The following MYH10 variants were observed in gnomAD, a reference collection of about 807,000 sequenced individuals.
The protein encoded by MYH10 is myosin heavy chain 10.
Under a neutral mutation model 257.8 loss-of-function variants are expected in MYH10, and 55 were observed. The observed-to-expected ratio is 0.21, with a 90% CI of 0.17 to 0.27. The LOEUF is 0.27. MYH10 is among the 10% of genes least tolerant of loss of function. The pLI is 1.00. For synonymous variants in MYH10, 854 were observed against 921.7 expected (o/e 0.93, Z 1.33); for missense variants, 1,631 against 2,500.6 (o/e 0.65, Z 7.42).
At chr17:8,493,607 TG>T in intron 32 of MYH10, 125 bp downstream of exon 32, 3 of 1,134,470 alleles carry the variant, frequency 2.6e-6, no homozygotes, top group Non-Finnish European at 3.6e-6. Flanking sequence ...AACCATTTAA[TG>T]GGCTTAATTT....
At chr17:8,589,006 T>C in intron 4 of MYH10, 75 bp downstream of exon 4, 1 of 1,404,790 alleles carries the variant, frequency 7.1e-7, no homozygotes, top group Non-Finnish European at 1.0e-6. Context: ...ACTTCTCCCC[T>C]CCCCCCAGAC....
intron 2 of MYH10, among the ~76,000 whole-genome samples, chr17:8,609,597 G>GA (rs1328939355): frequency 1.3e-5 from 2 of 151,516 alleles, no homozygotes; most frequent in Non-Finnish European, 2.9e-5. Context: ...AAATGCATAA[G>GA]AAAAAAAATA....
chr17:8,588,848 AG>A (rs2084015332), intron 4 of MYH10, among the ~76,000 whole-genome samples: 1 of 152,248 alleles, frequency 6.6e-6, no homozygotes, highest in Non-Finnish European at 1.5e-5. Context: ...TATGAACTAA[AG>A]ATGTAAGTTT....
At chr17:8,615,486 A>C (rs1426976788) in intron 2 of MYH10, among the ~76,000 whole-genome samples, 4 of 152,220 alleles carry the variant, frequency 2.6e-5, no homozygotes, top group Non-Finnish European at 4.4e-5. Flanking sequence ...TGACAAAGAT[A>C]TTATAAGAAA....
intron 3 of MYH10, 118 bp from the exon 4 acceptor site, chr17:8,589,226 G>C: frequency 1.0e-6 from 1 of 1,004,754 alleles, no homozygotes; most frequent in East Asian, 2.6e-5. Flanking sequence ...TACTCCTCTC[G>C]AGCCAAGTTA....
At chr17:8,596,101 G>C (rs772500529) in intron 3 of MYH10, among the ~76,000 whole-genome samples, 1 of 150,272 alleles carries the variant, frequency 6.7e-6, no homozygotes, top group Non-Finnish European at 1.5e-5. Context: ...GGTGTTAAAA[G>C]TACTTATGTT....
intron 36 of MYH10, 22 bp downstream of exon 36, chr17:8,487,411 C>T: frequency 6.2e-7 from 1 of 1,613,712 alleles, no homozygotes; most frequent in South Asian, 1.1e-5. Flanking sequence ...CATCCAGAGA[C>T]TCCATGGGTG....
At chr17:8,548,544 A>G in intron 10 of MYH10, 100 bp downstream of exon 10, 21 of 1,474,580 alleles carry the variant, frequency 1.4e-5, no homozygotes, top group Non-Finnish European at 1.9e-5. Context: ...ATTTCATACA[A>G]TTCATTAGTT....
Position 8,535,941 on chromosome 17 carries a change from A to T in MYH10, c.1606-10T>A, listed in dbSNP as rs1191641349. The T allele has an allele frequency of 6.2e-7, 1 of 1,609,938 alleles. No individual in the cohort carries two copies. ...CACCAGGAGGGTTCGCCTGATAATG[A>T]CAGGCAATAAGAATTCACAAGTTTT... On this transcript the variant is annotated splice_polypyrimidine_tract_variant and intron_variant, in intron 14 of 42. Coordinates refer to ENST00000360416, the MANE Select transcript of MYH10 (RefSeq NM_001256012.3). This position sits in a 1 kb window ranked among gnomAD's most constrained non-coding sequence, Gnocchi z 4.3.
chr17:8,476,039 C>G, intron 42 of MYH10, 91 bp from the exon 43 acceptor site: 1 of 1,375,720 alleles, frequency 7.3e-7, no homozygotes, highest in Non-Finnish European at 9.8e-7. Flanking sequence ...ACGGAACCTT[C>G]CCCTTGCACC....
At chr17:8,563,116 T>C (rs1282394683) in intron 7 of MYH10, among the ~76,000 whole-genome samples, 3 of 152,128 alleles carry the variant, frequency 2.0e-5, no homozygotes, top group Non-Finnish European at 4.4e-5. Context: ...TCAGCACAGA[T>C]AGGGTGCTAT....
chr17:8,499,809 T>A (rs1299878473), intron 29 of MYH10, among the ~76,000 whole-genome samples: 1 of 152,204 alleles, frequency 6.6e-6, no homozygotes, highest in Admixed American at 6.5e-5. Flanking sequence ...TGTAAAGAAT[T>A]GTTTTACACT....
At chr17:8,624,683 A>G (rs1356976801) in intron 1 of MYH10, among the ~76,000 whole-genome samples, 1 of 152,222 alleles carries the variant, frequency 6.6e-6, no homozygotes, top group East Asian at 1.9e-4. Context: ...GCGTGTGTAT[A>G]TATGTGCTAT....
chr17:8,535,293 A>C lies in MYH10; in HGVS notation c.1894+94T>G, dbSNP rs989910692. The C allele has an allele frequency of 1.2e-6, 1 of 848,710 alleles. No homozygotes were observed. Among genetic ancestry groups the C allele is most frequent in the Non-Finnish European group, 1.8e-6 (1 of 557,324 alleles). The allele number at this position is 848,710 out of a possible 1,614,324, so 52.6% of individuals were successfully genotyped here. On this transcript the variant is annotated intron_variant, in intron 16 of 42. Coordinates refer to ENST00000360416, the MANE Select transcript of MYH10 (RefSeq NM_001256012.3). The surrounding 1 kb of genome is among the most constrained non-coding windows in gnomAD (Gnocchi z 4.3). ...AAGAAAGATTTTAAAGTAAGAAGTT[A>C]TATGTATCCATATATATGTAAAAGA...
At chr17:8,481,480 T>G (rs1337137034) in intron 37 of MYH10, 70 bp from the exon 38 acceptor site, 2 of 1,393,026 alleles carry the variant, frequency 1.4e-6, no homozygotes, top group African/African-American at 1.4e-5. Flanking sequence ...TGACAGTGCC[T>G]GGAGCTACAG....
intron 3 of MYH10, among the ~76,000 whole-genome samples, chr17:8,603,398 T>C (rs2084683003): frequency 6.6e-6 from 1 of 152,204 alleles, no homozygotes; most frequent in African/African-American, 2.4e-5. Flanking sequence ...AGCTCAAGGA[T>C]TGGTTTAAAG....
At chr17:8,573,405 T>C (rs908199367) in intron 6 of MYH10, among the ~76,000 whole-genome samples, 1 of 152,190 alleles carries the variant, frequency 6.6e-6, no homozygotes, top group Non-Finnish European at 1.5e-5. Context: ...CTTTCTGTCT[T>C]GGTTCAGCAC....
intron 14 of MYH10, among the ~76,000 whole-genome samples, chr17:8,541,353 G>A (rs936635998): frequency 2.6e-5 from 4 of 152,170 alleles, no homozygotes; most frequent in African/African-American, 7.2e-5. Context: ...TACAGATATC[G>A]GTGGTTAATC....
chr17:8,597,332 AAAAG>A (rs957560379), intron 3 of MYH10, among the ~76,000 whole-genome samples: 36 of 151,786 alleles, frequency 2.4e-4, no homozygotes, highest in South Asian at 2.3e-3. Context: ...AAAGGAGAAG[AAAAG>A]AAAGAAAGAG....
Sources: gnomAD v4.1 joint callset for allele counts (sites outside exome capture counted in the v4.1 genomes callset) on GRCh38, gnomAD v4.1.1 for gene constraint, Gnocchi (gnomAD v3.1) non-coding constraint, MANE v1.5 for transcripts, NCBI Gene and HGNC (gene_info 2026-07-23, HGNC 2026-07-21) for gene names.